Variants in SYT14 observed in about 807,000 individuals in gnomAD.
SYT14 encodes the protein synaptotagmin-14.
Under a neutral mutation model 74.2 loss-of-function variants are expected in SYT14, and 32 were observed. The ratio of observed to expected loss-of-function variants is 0.43; its 90% CI spans 0.33 to 0.58. SYT14 has a LOEUF of 0.58. Ranked by LOEUF, SYT14 falls within the 20% of genes least tolerant of loss-of-function variation. The pLI, the probability that SYT14 is intolerant of heterozygous loss-of-function variation, is 0.05. For synonymous variants in SYT14, 298 were observed against 337.7 expected, an observed-to-expected ratio of 0.88 and a Z score of 1.29; for missense variants, 791 against 981.8, an observed-to-expected ratio of 0.81 and a Z score of 2.60.
intron 5 of SYT14, among the ~76,000 whole-genome samples, chr1:210,080,012 T>C (rs2081589021): frequency 6.6e-6 from 1 of 152,232 alleles, no homozygotes; most frequent in Non-Finnish European, 1.5e-5. Flanking sequence ...CATAGTATTT[T>C]AAAGGTGATA....
chr1:210,119,572 G>A (rs959504719), intron 7 of SYT14, among the ~76,000 whole-genome samples: 5 of 152,080 alleles, frequency 3.3e-5, no homozygotes, highest in Admixed American at 6.6e-5. Flanking sequence ...TGAAAGTTAC[G>A]TTGAATTTTA....
At chr1:209,958,811 C>A (rs139922157) in intron 2 of SYT14, among the ~76,000 whole-genome samples, 69 of 152,098 alleles carry the variant, frequency 4.5e-4, no homozygotes, top group African/African-American at 1.5e-3. Flanking sequence ...CTTTTTATTT[C>A]TTTGGCAGCT....
chr1:209,954,536 A>T (rs1424624860), intron 2 of SYT14, among the ~76,000 whole-genome samples: 1 of 152,148 alleles, frequency 6.6e-6, no homozygotes, highest in East Asian at 1.9e-4. Flanking sequence ...ATATTTCATA[A>T]GTATTTGAAT....
chr1:209,996,714 C>T (rs2079805249), intron 2 of SYT14, among the ~76,000 whole-genome samples: 1 of 152,198 alleles, frequency 6.6e-6, no homozygotes, highest in South Asian at 2.1e-4. Flanking sequence ...CGAAAATCCT[C>T]GGCAAAATAC....
At chr1:210,027,008 T>C (rs930517149) in intron 5 of SYT14, among the ~76,000 whole-genome samples, 1 of 152,160 alleles carries the variant, frequency 6.6e-6, no homozygotes, top group African/African-American at 2.4e-5. Flanking sequence ...TTAGAGGCAC[T>C]GATCCCCCCA....
chr1:210,072,765 A>G lies in SYT14; in HGVS notation c.1313-21557A>G, dbSNP rs574904895. Among the ~76,000 whole-genome samples, 7 of 152,134 alleles carry G rather than the reference A, an allele frequency of 4.6e-5. No individual in the cohort carries two copies. The South Asian group carries it at 1.5e-3, about 32-fold the overall frequency. ...TACTTTCTGTCTAAATAACATACAG[A>G]ATATTATTCCATGCATTTTTGTTTT... On this transcript the variant is annotated intron_variant, in intron 5 of 9. Coordinates refer to ENST00000637265, the Ensembl canonical transcript of SYT14.
intron 7 of SYT14, among the ~76,000 whole-genome samples, chr1:210,146,138 G>C (rs1302493523): frequency 1.3e-5 from 2 of 152,118 alleles, no homozygotes; most frequent in African/African-American, 4.8e-5. Flanking sequence ...AGGAGTTCAA[G>C]ACCAGCCTGG....
At chr1:210,163,427 A>G (rs946282254) in exon 10 of SYT14, 3 of 453,836 alleles carry the variant, frequency 6.6e-6, no homozygotes, top group African/African-American at 2.0e-5. Flanking sequence ...CTCAAAGATT[A>G]TAAATTATCT....
At chr1:210,034,073 A>C (rs1572189494) in intron 5 of SYT14, among the ~76,000 whole-genome samples, 2 of 151,876 alleles carry the variant, frequency 1.3e-5, no homozygotes, top group Non-Finnish European at 3.0e-5. Context: ...ATTATGTGGT[A>C]AACACTATTG....
exon 3 of SYT14, chr1:210,013,791 A>G (rs777840934): frequency 2.5e-6 from 4 of 1,611,638 alleles, no homozygotes; most frequent in Admixed American, 1.7e-5. Context: ...TTCACAAGAT[A>G]AAATTTGTAA....
intron 5 of SYT14, among the ~76,000 whole-genome samples, chr1:210,050,086 C>G (rs1481421927): frequency 5.9e-5 from 9 of 152,170 alleles, no homozygotes; most frequent in Non-Finnish European, 1.3e-4. Context: ...TTTTCTGTCA[C>G]ATTGTCAGGC....
chr1:210,032,893 C>CT (rs5780553), intron 5 of SYT14, among the ~76,000 whole-genome samples: 1 of 151,664 alleles, frequency 6.6e-6, no homozygotes, highest in Non-Finnish European at 1.5e-5. Context: ...TAAGTATTCT[C>CT]AATTTGTTCA....
chr1:209,995,964 G>C (rs937399809), intron 2 of SYT14, among the ~76,000 whole-genome samples: 4 of 152,066 alleles, frequency 2.6e-5, no homozygotes, highest in Non-Finnish European at 4.4e-5. Context: ...GAATCTCTGG[G>C]ATGCAGCTAA....
At chr1:210,079,352 C>T (rs1048730115) in intron 5 of SYT14, among the ~76,000 whole-genome samples, 1 of 151,972 alleles carries the variant, frequency 6.6e-6, no homozygotes, top group Admixed American at 6.6e-5. Flanking sequence ...ACCGTTATAT[C>T]CATGTGACAA....
At chr1:209,973,786 A>G (rs1201416502) in intron 2 of SYT14, among the ~76,000 whole-genome samples, 1 of 152,226 alleles carries the variant, frequency 6.6e-6, no homozygotes, top group African/African-American at 2.4e-5. Context: ...GAATTGCCAC[A>G]CTGACTTCTA....
intron 5 of SYT14, among the ~76,000 whole-genome samples, chr1:210,046,828 T>TG (rs1197008093): frequency 2.6e-5 from 4 of 152,332 alleles, no homozygotes; most frequent in African/African-American, 9.6e-5. Context: ...AACATTCACT[T>TG]GCAAGTCTTT....
intron 2 of SYT14, among the ~76,000 whole-genome samples, chr1:209,954,392 T>C (rs1466236755): frequency 6.6e-6 from 1 of 152,216 alleles, no homozygotes; most frequent in Non-Finnish European, 1.5e-5. Flanking sequence ...TTCTCTATAT[T>C]AGTCTAGCTT....
At chr1:209,943,749 T>C (rs1253523538) in intron 1 of SYT14, among the ~76,000 whole-genome samples, 2 of 152,126 alleles carry the variant, frequency 1.3e-5, no homozygotes, top group Non-Finnish European at 2.9e-5. Flanking sequence ...ATTCTTTTCC[T>C]CTGAATCCTA....
chr1:210,050,416 T>C (rs531748146), intron 5 of SYT14, among the ~76,000 whole-genome samples: 51 of 152,350 alleles, frequency 3.3e-4, no homozygotes, highest in African/African-American at 1.2e-3. Context: ...TATAGGAAGT[T>C]CCAAACTTTC....
Sources: allele counts gnomAD v4.1 joint callset (sites outside exome capture counted in the v4.1 genomes callset), GRCh38; gene constraint gnomAD v4.1.1; transcripts MANE v1.5; gene names NCBI Gene and HGNC (gene_info 2026-07-23, HGNC 2026-07-21).